Variants in RPL39L observed in about 807,000 individuals in gnomAD.
The protein encoded by RPL39L is ribosomal protein L39 like.
For missense variants in RPL39L, 48 were observed against 58.9 expected (o/e 0.81, Z 0.61); for synonymous variants, 16 against 20.1 (o/e 0.80, Z 0.55).
intron 1 of RPL39L, among the ~76,000 whole-genome samples, chr3:187,132,994 T>C (rs1468031362): frequency 1.3e-5 from 2 of 152,108 alleles, no homozygotes; most frequent in African/African-American, 4.8e-5. Flanking sequence ...TGATAAGAAT[T>C]CAGCTAAAAT....
intron 1 of RPL39L, among the ~76,000 whole-genome samples, chr3:187,132,345 C>T (rs1051158948): frequency 2.6e-5 from 4 of 152,122 alleles, no homozygotes; most frequent in African/African-American, 9.7e-5. Flanking sequence ...AAAAGTTTTG[C>T]TCAAAAATCT....
intron 2 of RPL39L, among the ~76,000 whole-genome samples, chr3:187,124,636 G>A (rs1283273271): frequency 2.0e-5 from 3 of 152,040 alleles, no homozygotes; most frequent in Non-Finnish European, 4.4e-5. Flanking sequence ...GCTCATAAGG[G>A]TCCCATTCTT....
chr3:187,124,819 C>A (rs1360525100), intron 2 of RPL39L, among the ~76,000 whole-genome samples: 1 of 152,128 alleles, frequency 6.6e-6, no homozygotes, highest in East Asian at 1.9e-4. Flanking sequence ...AATGGTTAGA[C>A]CACTTAAATT....
intron 1 of RPL39L, among the ~76,000 whole-genome samples, chr3:187,132,653 T>G (rs1451775835): frequency 1.3e-5 from 2 of 152,224 alleles, no homozygotes; most frequent in South Asian, 2.1e-4. Context: ...ATATTCAACA[T>G]GCATAAATAT....
rs1212376370 is a variant in RPL39L, at chr3:187,130,651, TAAGCC to T, written c.-92-2594_-92-2590del. Among the ~76,000 whole-genome samples the T allele has an allele frequency of 2.6e-5, 4 of 152,218 alleles. No individual in the cohort carries two copies. The East Asian group carries it at 7.7e-4, about 29-fold the overall frequency. On this transcript the variant is annotated intron_variant, in intron 1 of 2. Coordinates refer to ENST00000296277, the MANE Select transcript of RPL39L (RefSeq NM_052969.3). ...GCTTCCTGTACAGTCTGTAGAAACA[TAAGCC>T]AATTAAACCTCTTCTTTATAAATTA...
intron 1 of RPL39L, among the ~76,000 whole-genome samples, chr3:187,135,394 G>A (rs1720558338): frequency 6.6e-6 from 1 of 152,176 alleles, no homozygotes; most frequent in Admixed American, 6.5e-5. Context: ...TCTTTCCCGT[G>A]CTGTTCTTGT....
chr3:187,136,327 G>A (rs926812670), intron 1 of RPL39L, among the ~76,000 whole-genome samples: 1 of 152,200 alleles, frequency 6.6e-6, no homozygotes, highest in Admixed American at 6.5e-5. Context: ...AGTGAAGGTT[G>A]GTGAGGTGAC....
In RPL39L at chr3:187,120,980, C is replaced by T. The variant is rs1187904233; in HGVS notation, c.*165G>A. The T allele has an allele frequency of 1.4e-6, 1 of 715,542 alleles. No homozygotes were observed. The highest frequency in any genetic ancestry group is 2.3e-6 in the Non-Finnish European group (1 of 428,416). The allele number at this position is 715,542 out of a possible 1,614,324, so 44.3% of individuals were successfully genotyped here. On this transcript the variant is annotated 3_prime_UTR_variant, in exon 3 of 3. Coordinates refer to ENST00000296277, the MANE Select transcript of RPL39L (RefSeq NM_052969.3). ...AACAAAAGCTTTCACATATTTATTA[C>T]TGAATCCACCCTACTAGCACAGAGC... is the stretch of plus-strand genomic sequence containing the variant.
intron 2 of RPL39L, among the ~76,000 whole-genome samples, chr3:187,127,467 G>C (rs1366180044): frequency 6.6e-6 from 1 of 152,198 alleles, no homozygotes; most frequent in African/African-American, 2.4e-5. Flanking sequence ...CTGTTACTTA[G>C]AAGCAATATG....
At chr3:187,122,295 CAGATTGTGAG>C (rs1487386205) in intron 2 of RPL39L, among the ~76,000 whole-genome samples, 1 of 152,156 alleles carries the variant, frequency 6.6e-6, no homozygotes, top group African/African-American at 2.4e-5. Flanking sequence ...GTCTACATCT[CAGATTGTGAG>C]AGTAATTACA....
chr3:187,124,262 G>C (rs1314529744), intron 2 of RPL39L, among the ~76,000 whole-genome samples: 1 of 152,130 alleles, frequency 6.6e-6, no homozygotes, highest in Non-Finnish European at 1.5e-5. Flanking sequence ...TAGATCCTAA[G>C]TACTGGAGAT....
chr3:187,135,780 A>G (rs1387982278), intron 1 of RPL39L, among the ~76,000 whole-genome samples: 3 of 152,262 alleles, frequency 2.0e-5, no homozygotes, highest in Non-Finnish European at 4.4e-5. Flanking sequence ...TGGGCAACTT[A>G]TAACGAGTTT....
intron 2 of RPL39L, among the ~76,000 whole-genome samples, chr3:187,127,705 G>A (rs1254525472): frequency 6.6e-6 from 1 of 152,146 alleles, no homozygotes; most frequent in East Asian, 1.9e-4. Flanking sequence ...AGTATAAAAT[G>A]TAAAAGTTTG....
At chr3:187,135,652 G>C (rs1013766562) in intron 1 of RPL39L, among the ~76,000 whole-genome samples, 2 of 152,204 alleles carry the variant, frequency 1.3e-5, no homozygotes, top group Non-Finnish European at 2.9e-5. Context: ...GGTAAGCAGT[G>C]AATAGGCAAA....
intron 2 of RPL39L, among the ~76,000 whole-genome samples, chr3:187,126,634 A>T (rs987318426): frequency 2.0e-5 from 3 of 152,240 alleles, no homozygotes; most frequent in East Asian, 1.9e-4. Flanking sequence ...ATAATATTTT[A>T]AAAAGCCTCA....
At chr3:187,137,042 C>CA (rs964222246) in intron 1 of RPL39L, among the ~76,000 whole-genome samples, 1 of 151,046 alleles carries the variant, frequency 6.6e-6, no homozygotes, top group Non-Finnish European at 1.5e-5. Context: ...CTCATCTCTA[C>CA]AAAAAAATTT....
intron 1 of RPL39L, among the ~76,000 whole-genome samples, chr3:187,136,098 G>A (rs1383097586): frequency 2.0e-5 from 3 of 152,204 alleles, no homozygotes; most frequent in Non-Finnish European, 2.9e-5. Context: ...ACTAAAGATC[G>A]AGATATTGGA....
intron 1 of RPL39L, among the ~76,000 whole-genome samples, chr3:187,138,634 G>A (rs1471664559): frequency 6.6e-6 from 1 of 152,176 alleles, no homozygotes; most frequent in African/African-American, 2.4e-5. Context: ...GGTAATTCTA[G>A]GGACACTAGT....
intron 1 of RPL39L, among the ~76,000 whole-genome samples, chr3:187,129,067 T>G (rs1720444814): frequency 6.6e-6 from 1 of 152,228 alleles, no homozygotes; most frequent in African/African-American, 2.4e-5. Context: ...CTACAGGCTA[T>G]GTGGCAAGAC....
Sources: gnomAD v4.1 joint callset for allele counts (sites outside exome capture counted in the v4.1 genomes callset) on GRCh38, gnomAD v4.1.1 for gene constraint, MANE v1.5 for transcripts, NCBI Gene and HGNC (gene_info 2026-07-23, HGNC 2026-07-21) for gene names.